Variants in ULK4 observed in about 807,000 individuals in gnomAD.
ULK4 encodes inactive serine/threonine-protein kinase ULK4.
Under a neutral mutation model 160.6 loss-of-function variants are expected in ULK4, and 133 were observed. The ratio of observed to expected loss-of-function variants is 0.83; its 90% confidence interval spans 0.72 to 0.96. ULK4 has a LOEUF of 0.96. Ranked by LOEUF, ULK4 falls within the 40% of genes least tolerant of loss-of-function variation. The pLI is 0.00. For synonymous variants in ULK4, 534 were observed against 539.8 expected (o/e 0.99, Z 0.15); for missense variants, 1,580 against 1,499.5 (o/e 1.05, Z -0.89).
chr3:41,613,650 A>G (rs2032818521), intron 31 of ULK4, among the ~76,000 whole-genome samples: 1 of 152,260 alleles, frequency 6.6e-6, no homozygotes, highest in Non-Finnish European at 1.5e-5. Context: ...TGAAAAATGT[A>G]TTTCTACACA....
At chr3:41,359,691 G>C (rs1417921594) in intron 35 of ULK4, among the ~76,000 whole-genome samples, 1 of 152,162 alleles carries the variant, frequency 6.6e-6, no homozygotes. Flanking sequence ...AAGGAAATGG[G>C]GCAGAGTTAG....
At chr3:41,307,146 AAAAT>A (rs2079960002) in intron 35 of ULK4, among the ~76,000 whole-genome samples, 1 of 128,862 alleles carries the variant, frequency 7.8e-6, no homozygotes, top group Non-Finnish European at 1.6e-5. Context: ...TTATCAATAA[AAAAT>A]AAATAAATTA....
rs116339477 is a variant in ULK4, at chr3:41,274,444, G to C, written c.3679-24870C>G. Among the ~76,000 whole-genome samples, 1,167 of 152,260 alleles carry C rather than the reference G, an allele frequency of 7.7e-3. 13 individuals carry two copies. Among genetic ancestry groups the C allele is most frequent in the African/African-American group, 0.026 (1,093 of 41,552 alleles). On this transcript the variant is annotated intron_variant, in intron 35 of 36. Transcript: ENST00000301831. The stretch of plus-strand genomic sequence containing the variant: ...GGAATGTCTGAGATGTTTGTGCTCT[G>C]CGCTGCCCACTTATCTGACTCTGAT...
chr3:41,349,253 T>A (rs920742801), intron 35 of ULK4, among the ~76,000 whole-genome samples: 27 of 152,188 alleles, frequency 1.8e-4, no homozygotes, highest in African/African-American at 6.5e-4. Context: ...ATCCTTCCAT[T>A]CATATCTCAT....
chr3:41,693,437 T>G (rs983531065), intron 27 of ULK4, among the ~76,000 whole-genome samples: 1 of 152,184 alleles, frequency 6.6e-6, no homozygotes, highest in Admixed American at 6.5e-5. Context: ...AACTACCTAG[T>G]GGGCCAAACA....
At chr3:41,904,376 C>T (rs1212299324) in intron 12 of ULK4, among the ~76,000 whole-genome samples, 2 of 152,056 alleles carry the variant, frequency 1.3e-5, no homozygotes, top group Non-Finnish European at 2.9e-5. Context: ...CTGCAATGAG[C>T]AACGATCATG....
intron 34 of ULK4, among the ~76,000 whole-genome samples, chr3:41,420,072 T>C (rs962142180): frequency 2.0e-5 from 3 of 152,050 alleles, no homozygotes; most frequent in African/African-American, 7.2e-5. Flanking sequence ...GTTCCTCTTT[T>C]TTTCTCTAAA....
At chr3:41,954,844 G>A (rs907238227) in intron 1 of ULK4, 37 bp from the exon 2 acceptor site, 1 of 1,314,604 alleles carries the variant, frequency 7.6e-7, no homozygotes, top group East Asian at 2.4e-5. Flanking sequence ...ATAAATGCAA[G>A]TTAGTTGCAT....
At chr3:41,481,575 C>A (rs1042392208) in intron 32 of ULK4, among the ~76,000 whole-genome samples, 28 of 152,200 alleles carry the variant, frequency 1.8e-4, no homozygotes, top group African/African-American at 6.5e-4. Context: ...CGCCTGTAAT[C>A]CCAGCACTTT....
intron 32 of ULK4, among the ~76,000 whole-genome samples, chr3:41,550,124 G>A (rs74367010): frequency 0.02 from 2,985 of 152,044 alleles, 53 homozygotes; most frequent in Middle Eastern, 0.037. Flanking sequence ...AAACCTACTG[G>A]TAGAGCAAAC....
chr3:41,454,352 C>T (rs77897937), intron 34 of ULK4, among the ~76,000 whole-genome samples: 4 of 150,472 alleles, frequency 2.7e-5, no homozygotes, highest in South Asian at 2.1e-4. Flanking sequence ...CCGGCCTGGA[C>T]AATATGGTGA....
chr3:41,576,077 C>CTAA (rs1341291061), intron 31 of ULK4, among the ~76,000 whole-genome samples: 5 of 152,220 alleles, frequency 3.3e-5, no homozygotes, highest in Non-Finnish European at 5.9e-5. Flanking sequence ...ACTATCTGAG[C>CTAA]TAATGACCAG....
At chr3:41,580,264 G>C (rs1016423936) in intron 31 of ULK4, among the ~76,000 whole-genome samples, 1 of 151,984 alleles carries the variant, frequency 6.6e-6, no homozygotes, top group Non-Finnish European at 1.5e-5. Flanking sequence ...TGAGCTTCAG[G>C]AACATCCATA....
intron 17 of ULK4, among the ~76,000 whole-genome samples, chr3:41,864,303 G>A (rs887337052): frequency 6.6e-6 from 1 of 151,842 alleles, no homozygotes; most frequent in African/African-American, 2.4e-5. Context: ...ACACCAGGCT[G>A]CTGCTAGGGC....
intron 35 of ULK4, among the ~76,000 whole-genome samples, chr3:41,306,370 C>T (rs2079934474): frequency 7.3e-6 from 1 of 137,252 alleles, no homozygotes; most frequent in African/African-American, 3.2e-5. Flanking sequence ...CCCCGCCCAG[C>T]CAGCTGCCCC....
intron 30 of ULK4, among the ~76,000 whole-genome samples, chr3:41,631,121 T>C (rs1232645026): frequency 6.6e-6 from 1 of 152,204 alleles, no homozygotes; most frequent in South Asian, 2.1e-4. Flanking sequence ...ATTTGTAACA[T>C]TTCTCCTTGA....
intron 32 of ULK4, among the ~76,000 whole-genome samples, chr3:41,545,182 CA>C (rs35110546): frequency 6.6e-6 from 1 of 151,618 alleles, no homozygotes; most frequent in African/African-American, 2.4e-5. Context: ...TACAGAGTAA[CA>C]AAAAAAAGGT....
At chr3:41,484,501 G>A (rs2084440570) in intron 32 of ULK4, among the ~76,000 whole-genome samples, 1 of 138,388 alleles carries the variant, frequency 7.2e-6, no homozygotes, top group African/African-American at 2.7e-5. Flanking sequence ...CACCCAGGCT[G>A]GAGTGCAGTG....
At chr3:41,889,557 G>GA (rs1697842511) in intron 16 of ULK4, among the ~76,000 whole-genome samples, 1 of 152,152 alleles carries the variant, frequency 6.6e-6, no homozygotes, top group Admixed American at 6.5e-5. Context: ...TGGGAGGAGG[G>GA]AGAGGATCAG....
Sources: allele counts gnomAD v4.1 joint callset (sites outside exome capture counted in the v4.1 genomes callset), GRCh38; gene constraint gnomAD v4.1.1; transcripts MANE v1.5; gene names NCBI Gene and HGNC (gene_info 2026-07-23, HGNC 2026-07-21).